PLEKHG5: variants seen among roughly 807,000 people sequenced by gnomAD.
The protein encoded by PLEKHG5 is pleckstrin homology and RhoGEF domain containing G5, also known as pleckstrin homology domain-containing family G member 5.
Under a neutral mutation model 103.8 loss-of-function variants are expected in PLEKHG5, and 52 were observed. The observed-to-expected ratio is 0.50, with a 90% CI of 0.40 to 0.63. The LOEUF is 0.63. PLEKHG5 is among the 30% of genes least tolerant of loss of function. The probability of loss-of-function intolerance (pLI) is 0.00; values close to 1 mark genes in which losing one functional copy is unlikely to be tolerated. For missense variants in PLEKHG5, 1,205 were observed against 1,347.6 expected, an observed-to-expected ratio of 0.89 and a Z score of 1.66; for synonymous variants, 592 against 575.5, an observed-to-expected ratio of 1.03 and a Z score of -0.41.
Position 6,467,845 on chromosome 1 carries a change from A to C in PLEKHG5, c.2991T>G (p.Leu997=). 1 of 1,613,242 alleles carries C rather than the reference A, an allele frequency of 6.2e-7. No individual in the cohort carries two copies. The highest frequency in any genetic ancestry group is 8.5e-7 in the Non-Finnish European group (1 of 1,179,892). The change falls in exon 20 of 21, where the codon CTT becomes CTG. Residue 997 remains leucine, a synonymous_variant. Transcript: ENST00000377728. The stretch of plus-strand genomic sequence containing the variant: ...CTCACGAGGCAGTGAGCGTGGAGTT[A>C]AGCAGCAGGGTGGTCCTGATTCGGT... ...QLYRIRTTLL[L]NSTLTASEV
At position 6,467,827 on chromosome 1, in the gene PLEKHG5, G is replaced by A; in HGVS notation, c.3009C>T (p.Ala1003=). 6.2e-7 allele frequency: 1 copy of A among 1,613,226 alleles called. No individual in the cohort carries two copies. The highest frequency in any genetic ancestry group is 1.1e-5 in the South Asian group (1 of 91,044). The change falls in exon 20 of 21, where the codon GCC becomes GCT. Residue 1003 remains alanine, a splice_region_variant and synonymous_variant. Coordinates refer to ENST00000377728, the MANE Select transcript of PLEKHG5 (RefSeq NM_020631.6). ...CTACCCCAGTCCAGGCCACTCACGAGGCAGTGAGCGTGGAGTTAAGCAGCA... is the reference window on the plus strand; with the variant it reads ...CTACCCCAGTCCAGGCCACTCACGAAGCAGTGAGCGTGGAGTTAAGCAGCA... ...TTLLLNSTLT[A]SEV
chr1:6,485,235 C>G (rs1241224952), intron 1 of PLEKHG5: 3 of 891,730 alleles, frequency 3.4e-6, no homozygotes, highest in South Asian at 3.9e-5. Context: ...GTCACGGGCA[C>G]CCCCTCCCTG....
rs1644540599 is a variant in PLEKHG5 at position 6,470,645 on chromosome 1, T to C, written c.1543-2A>G. On this transcript the variant is annotated splice_acceptor_variant, in intron 14 of 20. Coordinates refer to ENST00000377728, the MANE Select transcript of PLEKHG5 (RefSeq NM_020631.6). LOFTEE classifies it high-confidence loss of function. ...GATGAAGCGCTCCACGGAGCCGATCTAGGGGCAGGTGAGGGAGCTTCAGGT... is the reference window on the plus strand; with the variant it reads ...GATGAAGCGCTCCACGGAGCCGATCCAGGGGCAGGTGAGGGAGCTTCAGGT... 2 of 1,567,834 alleles carry C rather than the reference T, an allele frequency of 1.3e-6. No individual in the cohort carries two copies. Among genetic ancestry groups the C allele is most frequent in the Non-Finnish European group, 1.7e-6 (2 of 1,162,186 alleles).
At chr1:6,476,154 G>A in intron 2 of PLEKHG5, 118 bp from the exon 3 acceptor site, 1 of 843,372 alleles carries the variant, frequency 1.2e-6, no homozygotes. Context: ...AGGTAGCAAG[G>A]GCCCTTCAGT....
chr1:6,469,248 G>A lies in PLEKHG5; in HGVS notation c.2050-7C>T. 6.2e-7 allele frequency: 1 copy of A among 1,613,940 alleles called. No individual in the cohort carries two copies. Among genetic ancestry groups the A allele is most frequent in the Non-Finnish European group, 8.5e-7 (1 of 1,180,004 alleles). On this transcript the variant is annotated splice_polypyrimidine_tract_variant and splice_region_variant and intron_variant, in intron 18 of 20. Coordinates refer to ENST00000377728, the MANE Select transcript of PLEKHG5 (RefSeq NM_020631.6). ...GCAGCTGTTGCAGCTGGTTCTGCAG[G>A]CAAGGTTGGGGTACATGGGACAGAA...
rs182134322 is a variant in PLEKHG5, at chr1:6,491,287, C to T, written c.-88+350G>A. On this transcript the variant is annotated intron_variant, in intron 1 of 20. Transcript: ENST00000377728. The surrounding 1 kb of genome is among the most constrained non-coding windows in gnomAD (Gnocchi z 4.1). ...CACCAACCTGTTCCGCACTTTCAAG[C>T]TTTTTATACAGCCTTCCCCCGACCC... Among the ~76,000 whole-genome samples, 8 of 152,196 alleles carry T rather than the reference C, an allele frequency of 5.3e-5. No individual in the cohort carries two copies. The East Asian group carries it at 1.5e-3, about 29-fold the overall frequency.
At chr1:6,508,906 G>C (rs1557771449) in intron 1 of PLEKHG5, among the ~76,000 whole-genome samples, 1 of 152,244 alleles carries the variant, frequency 6.6e-6, no homozygotes, top group Non-Finnish European at 1.5e-5. Flanking sequence ...GGGAGAGCCA[G>C]GGCTGAGCCC....
chr1:6,475,892 C>T (rs1281558487), intron 3 of PLEKHG5, 39 bp downstream of exon 3: 1 of 1,512,834 alleles, frequency 6.6e-7, no homozygotes, highest in East Asian at 2.3e-5. Flanking sequence ...AGCCGTGGGG[C>T]CCTCCAGGTA....
chr1:6,519,504 G>T (rs771611963), exon 1 of PLEKHG5: 1 of 1,613,764 alleles, frequency 6.2e-7, no homozygotes, highest in Non-Finnish European at 8.5e-7. Context: ...TGTCAGGACT[G>T]AATTCATGCT....
chr1:6,516,159 G>A lies in PLEKHG5; in HGVS notation c.-165+3286C>T, dbSNP rs72861568. 6.2e-3 allele frequency among the ~76,000 whole-genome samples: 949 copies of A among 152,244 alleles called. 14 individuals carry two copies. Among genetic ancestry groups the A allele is most frequent in the African/African-American group, 0.021 (890 of 41,522 alleles). On this transcript the variant is annotated intron_variant, in intron 1 of 21. Transcript: ENST00000377740. ...AGAATGAAAAACTGGGCTGGGCTTC[G>A]TGGCACACACCCAGCTATTCAGGAG...
intron 15 of PLEKHG5, 30 bp from the exon 16 acceptor site, chr1:6,470,385 G>A: frequency 6.2e-7 from 1 of 1,613,636 alleles, no homozygotes; most frequent in South Asian, 1.1e-5. Flanking sequence ...ACGTAGGGGA[G>A]GCCAGAGACT....
At chr1:6,510,916 C>T (rs542124460) in intron 1 of PLEKHG5, among the ~76,000 whole-genome samples, 42 of 152,260 alleles carry the variant, frequency 2.8e-4, no homozygotes, top group African/African-American at 8.9e-4. Flanking sequence ...TGATGACATC[C>T]CGTCTCTACT....
upstream of PLEKHG5, chr1:6,520,051 G>A (rs528704839): frequency 5.1e-5 from 10 of 195,684 alleles, no homozygotes; most frequent in Middle Eastern, 2.4e-3. Context: ...TGGTCACAGC[G>A]GGAGATCAAG....
upstream of PLEKHG5, among the ~76,000 whole-genome samples, chr1:6,500,990 C>T (rs193243715): frequency 2.1e-3 from 326 of 152,334 alleles, 1 homozygote; most frequent in African/African-American, 7.4e-3. Context: ...GGCCGGCAGA[C>T]ATGTTTTGTT....
rs1180411078 is a variant in PLEKHG5, at chr1:6,468,299, G to A, written c.2537C>T (p.Ser846Phe). The A allele has an allele frequency of 6.2e-7, 1 of 1,609,784 alleles. No individual in the cohort carries two copies. Among genetic ancestry groups the A allele is most frequent in the African/African-American group, 1.3e-5 (1 of 74,920 alleles). Residue 846 changes from serine (S) to phenylalanine (F), a missense_variant, in exon 20 of 21, where the codon TCC becomes TTC. By Grantham distance (155) the Ser-to-Phe change is radical. Coordinates refer to ENST00000377728, the MANE Select transcript of PLEKHG5 (RefSeq NM_020631.6). ...MAELVPRAPE[S>F]PRVPSPPPSP... ...GGGTGGAGGGGAAGGAACTCGTGGG[G>A]ACTCTGGGGCCCGAGGCACTAGCTC...
At position 6,467,430 on chromosome 1, in the gene PLEKHG5, G is replaced by A. The variant is rs1426324715; in HGVS notation, c.*133C>T. 10 of 965,626 alleles carry A rather than the reference G, an allele frequency of 1.0e-5. No homozygotes were observed. Among genetic ancestry groups the A allele is most frequent in the South Asian group, 1.3e-5 (1 of 78,216 alleles). The allele number at this position is 965,626 out of a possible 1,614,324, so 59.8% of individuals were successfully genotyped here. A position where few individuals can be genotyped will look rare whatever the true frequency, so the allele number is the denominator to read the frequency against. ...GGCAAAGCGCAAATCGGGCCCGGGCGTAGGCAGGGATCCTGCCCAGCATCC... is the reference window on the plus strand; with the variant it reads ...GGCAAAGCGCAAATCGGGCCCGGGCATAGGCAGGGATCCTGCCCAGCATCC... On this transcript the variant is annotated 3_prime_UTR_variant, in exon 21 of 21. Coordinates refer to ENST00000377728, the MANE Select transcript of PLEKHG5 (RefSeq NM_020631.6).
upstream of PLEKHG5, chr1:6,496,613 G>A (rs377534513): frequency 4.9e-6 from 7 of 1,416,964 alleles, no homozygotes; most frequent in African/African-American, 1.0e-4. Context: ...GGGCACCCAG[G>A]CTCCCCTGGG....
At chr1:6,507,448 C>T (rs1638355422) in intron 1 of PLEKHG5, among the ~76,000 whole-genome samples, 1 of 152,194 alleles carries the variant, frequency 6.6e-6, no homozygotes, top group Non-Finnish European at 1.5e-5. Flanking sequence ...CTGGGCTCCC[C>T]AGCCAGGCTT....
chr1:6,479,508 G>A (rs532190348), intron 1 of PLEKHG5, among the ~76,000 whole-genome samples: 48 of 151,954 alleles, frequency 3.2e-4, no homozygotes, highest in Non-Finnish European at 3.2e-4. Flanking sequence ...GGATGGTCTC[G>A]ATCTCCTGAC....
Sources: allele counts gnomAD v4.1 joint callset (sites outside exome capture counted in the v4.1 genomes callset), GRCh38; gene constraint gnomAD v4.1.1; non-coding constraint Gnocchi (gnomAD v3.1); transcripts MANE v1.5; gene names NCBI Gene and HGNC (gene_info 2026-07-23, HGNC 2026-07-21).